The following EYS variants were observed in gnomAD, a reference collection of about 807,000 sequenced individuals.
The protein encoded by EYS is EGF-like photoreceptor maintenance factor, also known as protein eyes shut homolog.
A neutral mutation model predicts 282.1 loss-of-function variants in EYS; 250 were observed. The observed-to-expected ratio is 0.89, with a 90% CI of 0.80 to 0.98. EYS has a LOEUF of 0.98. Among genes scored for constraint, EYS ranks in the 50% least tolerant of loss-of-function variants. EYS has a pLI of 0.00. For synonymous variants in EYS, 1,355 were observed against 1,282.9 expected, an observed-to-expected ratio of 1.06 and a Z score of -1.20; for missense variants, 4,016 against 3,709.0, an observed-to-expected ratio of 1.08 and a Z score of -2.15.
chr6:64,640,375 A>G (rs1768091231), intron 22 of EYS, among the ~76,000 whole-genome samples: 2 of 152,194 alleles, frequency 1.3e-5, no homozygotes, highest in Non-Finnish European at 2.9e-5. Context: ...TACACCATGG[A>G]ATACTATATA....
At chr6:64,811,841 T>G (rs1477523585) in intron 22 of EYS, among the ~76,000 whole-genome samples, 1 of 152,148 alleles carries the variant, frequency 6.6e-6, no homozygotes, top group Admixed American at 6.6e-5. Context: ...TTTTCTAGTC[T>G]CTGTTATTCT....
At chr6:64,549,628 A>C (rs1009425035) in intron 26 of EYS, among the ~76,000 whole-genome samples, 1 of 152,182 alleles carries the variant, frequency 6.6e-6, no homozygotes, top group African/African-American at 2.4e-5. Flanking sequence ...AAATTAATGA[A>C]AAATAAAACT....
chr6:65,205,307 G>C (rs905514478), intron 12 of EYS, among the ~76,000 whole-genome samples: 2 of 151,228 alleles, frequency 1.3e-5, no homozygotes, highest in Admixed American at 1.3e-4. Context: ...CATTAACAAA[G>C]AATGGCATTA....
intron 35 of EYS, among the ~76,000 whole-genome samples, chr6:63,964,526 C>T (rs1766215555): frequency 1.3e-5 from 2 of 152,156 alleles, no homozygotes; most frequent in African/African-American, 2.4e-5. Context: ...TTGTCTTTTG[C>T]CTTGTGGTAG....
chr6:64,567,919 G>T (rs565761779), intron 26 of EYS, among the ~76,000 whole-genome samples: 4 of 152,266 alleles, frequency 2.6e-5, no homozygotes, highest in African/African-American at 9.6e-5. Flanking sequence ...GACTAGAAAT[G>T]ACAGTGAACT....
At chr6:64,401,094 T>C (rs1773525238) in intron 28 of EYS, among the ~76,000 whole-genome samples, 1 of 152,064 alleles carries the variant, frequency 6.6e-6, no homozygotes, top group South Asian at 2.1e-4. Flanking sequence ...CAGCAAGTTC[T>C]AAACTTGCAC....
chr6:65,446,653 C>G (rs183575215), intron 5 of EYS, among the ~76,000 whole-genome samples: 1 of 151,694 alleles, frequency 6.6e-6, no homozygotes, highest in South Asian at 2.1e-4. Context: ...GTCACAGTAA[C>G]GAAAAGCAAA....
At chr6:65,435,668 A>G (rs567632027) in intron 5 of EYS, among the ~76,000 whole-genome samples, 30 of 152,294 alleles carry the variant, frequency 2.0e-4, no homozygotes, top group Admixed American at 9.2e-4. Context: ...ATATTTTCAC[A>G]CTTACTAAGG....
chr6:64,746,124 A>G (rs539312304), intron 22 of EYS, among the ~76,000 whole-genome samples: 70 of 152,194 alleles, frequency 4.6e-4, no homozygotes, highest in African/African-American at 1.6e-3. Context: ...ATAAAAGTTG[A>G]ATATTGTTAC....
At chr6:65,265,363 G>T (rs1001839210) in intron 12 of EYS, among the ~76,000 whole-genome samples, 1 of 151,900 alleles carries the variant, frequency 6.6e-6, no homozygotes, top group Non-Finnish European at 1.5e-5. Flanking sequence ...TGTATTTATG[G>T]ATTGTGTCAC....
intron 21 of EYS, among the ~76,000 whole-genome samples, chr6:64,821,260 A>G (rs997542048): frequency 9.9e-5 from 15 of 152,092 alleles, no homozygotes; most frequent in Non-Finnish European, 1.9e-4. Flanking sequence ...AATTAATTGA[A>G]TCCTATGTCA....
intron 26 of EYS, among the ~76,000 whole-genome samples, chr6:64,501,329 T>G (rs1777035212): frequency 2.0e-5 from 3 of 151,982 alleles, no homozygotes; most frequent in Admixed American, 2.0e-4. Flanking sequence ...CTGAAAATAT[T>G]TAAAAAAATA....
intron 29 of EYS, among the ~76,000 whole-genome samples, chr6:64,333,426 C>A (rs1258872158): frequency 1.3e-5 from 2 of 152,008 alleles, no homozygotes; most frequent in African/African-American, 4.8e-5. Context: ...GCCACCAAGG[C>A]CGTAATAGAA....
intron 35 of EYS, among the ~76,000 whole-genome samples, chr6:63,898,106 C>T (rs1773577176): frequency 6.6e-6 from 1 of 152,186 alleles, no homozygotes; most frequent in African/African-American, 2.4e-5. Flanking sequence ...TGTTACCACG[C>T]TGGGCCAAAC....
chr6:64,751,395 G>A (rs35604010), intron 22 of EYS, among the ~76,000 whole-genome samples: 1 of 152,168 alleles, frequency 6.6e-6, no homozygotes, highest in Non-Finnish European at 1.5e-5. Flanking sequence ...TGGAGGAGTG[G>A]AGGTTTCTCC....
At chr6:64,343,509 C>T (rs1272947034) in intron 29 of EYS, among the ~76,000 whole-genome samples, 8 of 151,758 alleles carry the variant, frequency 5.3e-5, no homozygotes, top group African/African-American at 9.7e-5. Context: ...TTGAAACCAA[C>T]GAGAACAAAG....
At chr6:64,931,391 T>C (rs1380541783) in intron 15 of EYS, among the ~76,000 whole-genome samples, 1 of 152,080 alleles carries the variant, frequency 6.6e-6, no homozygotes, top group Non-Finnish European at 1.5e-5. Flanking sequence ...TATCCTTCAC[T>C]GAGACTCCTT....
At chr6:64,807,999 T>TTACTTCCTTCCTCCCTCCC (rs1764485414) in intron 22 of EYS, among the ~76,000 whole-genome samples, 2 of 142,476 alleles carry the variant, frequency 1.4e-5, no homozygotes, top group East Asian at 4.3e-4. Context: ...CTTCCCTTAC[T>TTACTTCCTTCCTCCCTCCC]TCCTTCCTCC....
chr6:64,129,071 C>T (rs762453196), intron 31 of EYS, among the ~76,000 whole-genome samples: 18 of 152,220 alleles, frequency 1.2e-4, no homozygotes, highest in Non-Finnish European at 2.4e-4. Flanking sequence ...CAGCCACACC[C>T]ATCATTCATG....
Sources: gnomAD v4.1 joint callset for allele counts (sites outside exome capture counted in the v4.1 genomes callset) on GRCh38, gnomAD v4.1.1 for gene constraint, MANE v1.5 for transcripts, NCBI Gene and HGNC (gene_info 2026-07-23, HGNC 2026-07-21) for gene names.